Variants in UBE2E1 observed in about 807,000 individuals in gnomAD.
UBE2E1 encodes the protein ubiquitin-conjugating enzyme E2 E1.
Under a neutral mutation model 21.4 loss-of-function variants are expected in UBE2E1, and 6 were observed. That is an observed-to-expected ratio of 0.28 (90% CI 0.15 to 0.55). The LOEUF is 0.55. UBE2E1 is among the 20% of genes least tolerant of loss of function. The pLI is 0.93. For missense variants in UBE2E1, 142 were observed against 236.5 expected, an observed-to-expected ratio of 0.60 and a Z score of 2.62; for synonymous variants, 87 against 82.7, an observed-to-expected ratio of 1.05 and a Z score of -0.28.
rs1700755639 is a variant in UBE2E1, at chr3:23,870,268, G to A, written c.204-17299G>A. Among the ~76,000 whole-genome samples the A allele has an allele frequency of 6.6e-6, 1 of 152,122 alleles. No homozygotes were observed. The highest frequency in any genetic ancestry group is 6.5e-5 in the Admixed American group (1 of 15,280). On this transcript the variant is annotated intron_variant, in intron 3 of 5. Coordinates refer to ENST00000306627, the MANE Select transcript of UBE2E1 (RefSeq NM_003341.5). The surrounding 1 kb of genome is among the most constrained non-coding windows in gnomAD (Gnocchi z 4.2). Reference sequence around the variant, plus strand: ...CTGCAGGATGAGATGGGGGGCCGGGGGGACCATAGCTCCTTTTTTTAAAAA... The same window carrying A: ...CTGCAGGATGAGATGGGGGGCCGGGAGGACCATAGCTCCTTTTTTTAAAAA...
chr3:23,889,491 G>A (rs1176182709), intron 5 of UBE2E1: 1 of 1,377,046 alleles, frequency 7.3e-7, no homozygotes, highest in African/African-American at 1.5e-5. Context: ...ACTGACGTAA[G>A]TTTGCCTTGG....
chr3:23,839,926 G>C (rs1376587523), intron 3 of UBE2E1, among the ~76,000 whole-genome samples: 2 of 151,588 alleles, frequency 1.3e-5, no homozygotes, highest in Non-Finnish European at 2.9e-5. Flanking sequence ...TTTATTTTTT[G>C]TATTTCTTGT....
intron 3 of UBE2E1, among the ~76,000 whole-genome samples, chr3:23,864,184 A>C (rs931831847): frequency 2.0e-5 from 3 of 152,156 alleles, no homozygotes; most frequent in African/African-American, 7.2e-5. Flanking sequence ...ACATTGCTTC[A>C]GTGCCAGCTT....
At chr3:23,849,792 A>G (rs1482013678) in intron 3 of UBE2E1, among the ~76,000 whole-genome samples, 3 of 152,100 alleles carry the variant, frequency 2.0e-5, no homozygotes, top group Admixed American at 6.6e-5. Flanking sequence ...AGCCTTTGGT[A>G]TTGTAAATAG....
At chr3:23,854,300 G>C (rs576550232) in intron 3 of UBE2E1, among the ~76,000 whole-genome samples, 30 of 151,768 alleles carry the variant, frequency 2.0e-4, no homozygotes, top group Admixed American at 1.8e-3. Flanking sequence ...GGTTCAGAGA[G>C]GGTATTTAAC....
At position 23,890,794 on chromosome 3, in the gene UBE2E1, TA is replaced by T; in HGVS notation, c.*189del. ...TTGCTACAGTAGACAGAATTGGTAA[TA>T]GCAACTTTTAAAATTGTCATTAGTT... On this transcript the variant is annotated 3_prime_UTR_variant, in exon 6 of 6. Transcript: ENST00000306627. 1 of 461,822 alleles carries T rather than the reference TA, an allele frequency of 2.2e-6. No individual in the cohort carries two copies. The highest frequency in any genetic ancestry group is 3.7e-6 in the Non-Finnish European group (1 of 267,980). The allele number at this position is 461,822 out of a possible 1,614,324, so 28.6% of individuals were successfully genotyped here. A position where few individuals can be genotyped will look rare whatever the true frequency, so the allele number is the denominator to read the frequency against.
At chr3:23,871,503 C>T (rs1700788445) in intron 3 of UBE2E1, among the ~76,000 whole-genome samples, 1 of 149,764 alleles carries the variant, frequency 6.7e-6, no homozygotes, top group East Asian at 2.0e-4. Context: ...GGCGGCTGGC[C>T]TGGCGGGGGC....
chr3:23,819,893 ACAC>A (rs1699611149), intron 3 of UBE2E1, among the ~76,000 whole-genome samples: 1 of 152,184 alleles, frequency 6.6e-6, no homozygotes, highest in African/African-American at 2.4e-5. Flanking sequence ...AGAAAATATA[ACAC>A]CTTTGAATTG....
Position 23,853,043 on chromosome 3 carries a change from A to G in UBE2E1, c.204-34524A>G, listed in dbSNP as rs954319440. ...GTGATTCTCCTGCCTCAGCCTCCCA[A>G]GTAGCTGGGATTACAGGCATGCGGC... On this transcript the variant is annotated intron_variant, in intron 3 of 5. Coordinates refer to ENST00000306627, the MANE Select transcript of UBE2E1 (RefSeq NM_003341.5). The surrounding 1 kb of genome is among the most constrained non-coding windows in gnomAD (Gnocchi z 4.1). Among the ~76,000 whole-genome samples the G allele has an allele frequency of 3.9e-5, 6 of 152,114 alleles. No homozygotes were observed. Among genetic ancestry groups the G allele is most frequent in the Non-Finnish European group, 7.4e-5 (5 of 67,988 alleles).
At chr3:23,866,036 C>G (rs1187604440) in intron 3 of UBE2E1, among the ~76,000 whole-genome samples, 1 of 152,176 alleles carries the variant, frequency 6.6e-6, no homozygotes, top group Non-Finnish European at 1.5e-5. Context: ...AATGAGAAAG[C>G]AACCAGACCC....
chr3:23,853,994 A>G lies in UBE2E1; in HGVS notation c.204-33573A>G, dbSNP rs1007922570. ...TTATCTTGGTCAGGCATGGTGGCTC[A>G]TGCCTGTAATCCCAGCACTTTGGGA... On this transcript the variant is annotated intron_variant, in intron 3 of 5. Coordinates refer to ENST00000306627, the MANE Select transcript of UBE2E1 (RefSeq NM_003341.5). This position sits in a 1 kb window ranked among gnomAD's most constrained non-coding sequence, Gnocchi z 4.1. Among the ~76,000 whole-genome samples, 2 of 152,166 alleles carry G rather than the reference A, an allele frequency of 1.3e-5. No homozygotes were observed. Among genetic ancestry groups the G allele is most frequent in the African/African-American group, 4.8e-5 (2 of 41,430 alleles).
rs1699275588 is a variant in UBE2E1 at position 23,806,569 on chromosome 3, C to T, written c.-34+481C>T. Among the ~76,000 whole-genome samples, 1 of 151,372 alleles carries T rather than the reference C, an allele frequency of 6.6e-6. No homozygotes were observed. Among genetic ancestry groups the T allele is most frequent in the Non-Finnish European group, 1.5e-5 (1 of 67,728 alleles). ...CAGGAGTGGCGATCGGGCGTGTGCT[C>T]CGGACCCCCGCCCGGCCGCATAGCT... On this transcript the variant is annotated intron_variant, in intron 1 of 5. Coordinates refer to ENST00000306627, the MANE Select transcript of UBE2E1 (RefSeq NM_003341.5). This position sits in a 1 kb window ranked among gnomAD's most constrained non-coding sequence, Gnocchi z 6.5.
In UBE2E1 at chr3:23,816,888, T is replaced by C. The variant is rs1299565353; in HGVS notation, c.203+5378T>C. 6.6e-6 allele frequency among the ~76,000 whole-genome samples: 1 copy of C among 152,116 alleles called. No homozygotes were observed. The highest frequency in any genetic ancestry group is 1.5e-5 in the Non-Finnish European group (1 of 68,012). ...ATTTCTTAATGAATACAGTTTCTTT[T>C]TGAGGTGGTGAAAGTTTTGGAAATA... On this transcript the variant is annotated intron_variant, in intron 3 of 5. Coordinates refer to ENST00000306627, the MANE Select transcript of UBE2E1 (RefSeq NM_003341.5). The surrounding 1 kb of genome is among the most constrained non-coding windows in gnomAD (Gnocchi z 4.8).
rs1474589420 is a variant in UBE2E1, at chr3:23,890,513, C to T, written c.489C>T (p.Asp163=). 6.2e-7 allele frequency: 1 copy of T among 1,610,896 alleles called. No homozygotes were observed. The highest frequency in any genetic ancestry group is 1.1e-5 in the South Asian group (1 of 90,474). ...ATCTACATTCTTTTCTTCCAGCCGACCCCTTGGTGGGAAGTATTGCCACTC... is the reference window on the plus strand; with the variant it reads ...ATCTACATTCTTTTCTTCCAGCCGATCCCTTGGTGGGAAGTATTGCCACTC... ...CSLLTDCNPA[D]PLVGSIATQY... Residue 163 remains aspartate (D), a synonymous_variant, in exon 6 of 6, where the codon GAC becomes GAT. Coordinates refer to ENST00000306627, the MANE Select transcript of UBE2E1 (RefSeq NM_003341.5).
At position 23,806,465 on chromosome 3, in the gene UBE2E1, C is replaced by T. The variant is rs1304261997; in HGVS notation, c.-34+377C>T. Among the ~76,000 whole-genome samples, 2 of 151,884 alleles carry T rather than the reference C, an allele frequency of 1.3e-5. No individual in the cohort carries two copies. The highest frequency in any genetic ancestry group is 1.3e-4 in the Admixed American group (2 of 15,272). On this transcript the variant is annotated intron_variant, in intron 1 of 5. Coordinates refer to ENST00000306627, the MANE Select transcript of UBE2E1 (RefSeq NM_003341.5). This position sits in a 1 kb window ranked among gnomAD's most constrained non-coding sequence, Gnocchi z 6.5. ...GGGGGTTCGCGGGGATTAACCCCTC[C>T]GGGGCGGAAGGGCTCATTGTTATGT... is the stretch of plus-strand genomic sequence containing the variant.
At chr3:23,848,074 C>T (rs1700244475) in intron 3 of UBE2E1, among the ~76,000 whole-genome samples, 1 of 152,034 alleles carries the variant, frequency 6.6e-6, no homozygotes, top group African/African-American at 2.4e-5. Flanking sequence ...TTGGACTTTC[C>T]CCAGTGTTTT....
At chr3:23,830,978 A>T (rs1455226460) in intron 3 of UBE2E1, among the ~76,000 whole-genome samples, 1 of 152,210 alleles carries the variant, frequency 6.6e-6, no homozygotes, top group East Asian at 1.9e-4. Flanking sequence ...CATTAAGGTT[A>T]TGTGCAGCTT....
At chr3:23,864,606 T>C (rs1700615880) in intron 3 of UBE2E1, among the ~76,000 whole-genome samples, 1 of 152,256 alleles carries the variant, frequency 6.6e-6, no homozygotes, top group Admixed American at 6.5e-5. Context: ...TTGGCTTTAT[T>C]CTTTTTTCAT....
At chr3:23,879,393 C>G (rs1016027108) in intron 3 of UBE2E1, 7 of 528,820 alleles carry the variant, frequency 1.3e-5, no homozygotes, top group South Asian at 4.5e-5. Context: ...CTGTATAAGA[C>G]AGTTGTCTTG....
Sources: gnomAD v4.1 joint callset for allele counts (sites outside exome capture counted in the v4.1 genomes callset) on GRCh38, gnomAD v4.1.1 for gene constraint, Gnocchi (gnomAD v3.1) non-coding constraint, MANE v1.5 for transcripts, NCBI Gene and HGNC (gene_info 2026-07-23, HGNC 2026-07-21) for gene names.